Variants in LRRTM1 observed in about 807,000 individuals in gnomAD.
LRRTM1 encodes leucine rich repeat transmembrane neuronal 1.
LRRTM1 carries 8 observed loss-of-function variants against 37.3 expected under a neutral mutation model. That is an observed-to-expected ratio of 0.21 (90% CI 0.13 to 0.39). LRRTM1 has a LOEUF of 0.39. Among genes scored for constraint, LRRTM1 ranks in the 10% least tolerant of loss-of-function variants. LRRTM1 has a pLI of 1.00. For missense variants in LRRTM1, 557 were observed against 691.0 expected (o/e 0.81, Z 2.17); for synonymous variants, 326 against 316.8 (o/e 1.03, Z -0.31).
downstream of LRRTM1, among the ~76,000 whole-genome samples, chr2:80,299,980 G>T (rs913113247): frequency 2.6e-5 from 4 of 152,132 alleles, no homozygotes; most frequent in Admixed American, 2.0e-4. Context: ...TCTAAAAAAG[G>T]TATGCCGTCT....
intron 2 of LRRTM1, among the ~76,000 whole-genome samples, chr2:80,296,028 T>C (rs986758801): frequency 2.6e-5 from 4 of 152,168 alleles, no homozygotes; most frequent in African/African-American, 4.8e-5. Context: ...ACTGAGCACA[T>C]TGATTTTTTT....
rs1206857824 is a variant in LRRTM1, at chr2:80,302,644, G to C, written c.1176C>G (p.Thr392=). 1 of 1,608,446 alleles carries C rather than the reference G, an allele frequency of 6.2e-7. No individual in the cohort carries two copies. The highest frequency in any genetic ancestry group is 1.3e-5 in the African/African-American group (1 of 75,016). Residue 392 remains threonine (T), a synonymous_variant, in exon 2 of 2, where the codon ACC becomes ACG. Coordinates refer to ENST00000295057, the MANE Select transcript of LRRTM1 (RefSeq NM_178839.5). The surrounding 1 kb of genome is among the most constrained non-coding windows in gnomAD (Gnocchi z 6.4). ...SDLGPPASSA[T]TLADGGEGQH... ...GCCCCTCCCCGCCGTCCGCGAGCGT[G>C]GTGGCCGAGCTGGCAGGGGGCCCCA...
At chr2:80,294,500 A>G (rs1675561763) in intron 2 of LRRTM1, among the ~76,000 whole-genome samples, 1 of 152,006 alleles carries the variant, frequency 6.6e-6, no homozygotes, top group African/African-American at 2.4e-5. Flanking sequence ...GGCACCAGCC[A>G]ACCATGTCTT....
chr2:80,302,742 A>T lies in LRRTM1; in HGVS notation c.1078T>A (p.Phe360Ile). The change falls in exon 2 of 2, where the codon TTC becomes ATC. Residue 360 changes from phenylalanine (F) to isoleucine (I), a missense_variant. Phe to Ile is a conservative substitution (Grantham distance 21). Transcript: ENST00000295057. This position sits in a 1 kb window ranked among gnomAD's most constrained non-coding sequence, Gnocchi z 6.4. Reference sequence around the variant, plus strand: ...TCGGCCCCATCCTCGCACAGGTGGAAGGCGTACACGGCGTCCAGGACGTCC... The same window carrying T: ...TCGGCCCCATCCTCGCACAGGTGGATGGCGTACACGGCGTCCAGGACGTCC... ...GEDVLDAVYAFHLCEDGAEPT... is the reference protein window; with the variant it reads ...GEDVLDAVYAIHLCEDGAEPT... 1 of 1,613,162 alleles carries T rather than the reference A, an allele frequency of 6.2e-7. No individual in the cohort carries two copies. The highest frequency in any genetic ancestry group is 1.6e-4 in the Middle Eastern group (1 of 6,062).
chr2:80,291,671 C>A (rs930536771), intron 2 of LRRTM1, among the ~76,000 whole-genome samples: 1 of 152,138 alleles, frequency 6.6e-6, no homozygotes, highest in Non-Finnish European at 1.5e-5. Context: ...GCTTGGATAA[C>A]AATTGCAAGC....
chr2:80,299,491 C>A (rs1676053313), downstream of LRRTM1: 1 of 152,128 alleles, frequency 6.6e-6, no homozygotes, highest in Non-Finnish European at 1.5e-5. Context: ...CATACAGACA[C>A]ACACACAAAG....
At chr2:80,288,585 AAC>A (rs1212125903) in exon 3 of LRRTM1, 1 of 152,178 alleles carries the variant, frequency 6.6e-6, no homozygotes. Flanking sequence ...ACCACACATA[AAC>A]CAGGAATCCA....
At position 80,303,139 on chromosome 2, in the gene LRRTM1, G is replaced by A. The variant is rs78127943; in HGVS notation, c.681C>T (p.Ala227=). ...EHNDLVKVNF[A]HFPRLISLHS... is the part of the protein sequence containing the mutation. ...GCAGGGAGATGAGGCGCGGGAAGTG[G>A]GCGAAGTTCACCTTGACCAAGTCGT... Residue 227 remains alanine (A), a synonymous_variant, in exon 2 of 2, where the codon GCC becomes GCT. Coordinates refer to ENST00000295057, the MANE Select transcript of LRRTM1 (RefSeq NM_178839.5). This position sits in a 1 kb window ranked among gnomAD's most constrained non-coding sequence, Gnocchi z 7.7. 2,374 of 1,614,108 alleles carry A rather than the reference G, an allele frequency of 1.5e-3. 23 individuals are homozygous for A. In the African/African-American group the frequency reaches 0.027, roughly 18 times the overall value.
chr2:80,299,167 C>T (rs1404136671), downstream of LRRTM1: 1 of 151,908 alleles, frequency 6.6e-6, no homozygotes, highest in African/African-American at 2.4e-5. Flanking sequence ...GAGATTAGCA[C>T]CCTCTGTGGG....
rs149821410 is a variant in LRRTM1, at chr2:80,303,319, A to G, written c.501T>C (p.His167=). 1.0e-3 allele frequency: 1,613 copies of G among 1,613,836 alleles called. 1 individual carries two copies. Among genetic ancestry groups the G allele is most frequent in the Non-Finnish European group, 1.3e-3 (1,522 of 1,180,032 alleles). Residue 167 remains histidine (H), a synonymous_variant, in exon 2 of 2, where the codon CAT becomes CAC. Transcript: ENST00000295057. The surrounding 1 kb of genome is among the most constrained non-coding windows in gnomAD (Gnocchi z 7.7). The part of the protein sequence containing the change: ...FHGLRKLTTL[H]MRANAIQFVP... The stretch of plus-strand genomic sequence containing the variant: ...CAAACTGGATGGCGTTGGCCCGCAT[A>G]TGCAGCGTGGTGAGCTTCCGCAGCC...
chr2:80,294,606 A>T (rs4309597), intron 2 of LRRTM1, among the ~76,000 whole-genome samples: 1 of 151,892 alleles, frequency 6.6e-6, no homozygotes, highest in African/African-American at 2.4e-5. Flanking sequence ...TCTCAGCCTT[A>T]GCTGAACTAT....
rs769825975 is a variant in LRRTM1 at position 80,303,641 on chromosome 2, G to A, written c.179C>T (p.Ala60Val). ...LYCEALNLTE[A>V]PHNLSGLLGL... Reference sequence around the variant, plus strand: ...CAGCAGGCCGGACAGGTTGTGGGGCGCCTCGGTGAGGTTGAGCGCCTCGCA... The same window carrying A: ...CAGCAGGCCGGACAGGTTGTGGGGCACCTCGGTGAGGTTGAGCGCCTCGCA... Residue 60 changes from alanine to valine, a missense_variant, in exon 2 of 2, where the codon GCG becomes GTG. Physicochemically the swap from Ala to Val is moderately conservative, Grantham distance 64 (BLOSUM62 0). Transcript: ENST00000295057. This position sits in a 1 kb window ranked among gnomAD's most constrained non-coding sequence, Gnocchi z 7.7. 5.6e-6 allele frequency: 9 copies of A among 1,613,290 alleles called. No individual in the cohort carries two copies. The highest frequency in any genetic ancestry group is 4.0e-5 in the African/African-American group (3 of 74,916).
At chr2:80,297,079 T>G (rs1171756331), downstream of LRRTM1, among the ~76,000 whole-genome samples, 5 of 152,306 alleles carry the variant, frequency 3.3e-5, no homozygotes, top group Non-Finnish European at 7.3e-5. Flanking sequence ...AGAAGTCTCC[T>G]CTATTGGCAG....
At chr2:80,293,588 T>C (rs560376681) in intron 2 of LRRTM1, among the ~76,000 whole-genome samples, 2 of 152,276 alleles carry the variant, frequency 1.3e-5, no homozygotes, top group South Asian at 4.1e-4. Flanking sequence ...CCTGGCCAAA[T>C]GTATGCTACC....
chr2:80,294,265 G>A lies in LRRTM1; in HGVS notation c.*307-5070C>T, dbSNP rs1281744286. Among the ~76,000 whole-genome samples, 5 of 152,156 alleles carry A rather than the reference G, an allele frequency of 3.3e-5. No homozygotes were observed. In the South Asian group the frequency reaches 8.3e-4, roughly 25 times the overall value. ...TCTGCCTTGTGAAATTATTGGGAGA[G>A]TAAAAACAAATATAAGAATAATTCT... is the stretch of plus-strand genomic sequence containing the variant. On this transcript the variant is annotated intron_variant and NMD_transcript_variant, in intron 2 of 2. Transcript: ENST00000417012.
chr2:80,301,231 G>A (rs1399729558), downstream of LRRTM1, among the ~76,000 whole-genome samples: 2 of 152,176 alleles, frequency 1.3e-5, no homozygotes, highest in Admixed American at 1.3e-4. Context: ...GGGAGCCTAA[G>A]CTTGCTGCAG....
chr2:80,302,816 C>A lies in LRRTM1; in HGVS notation c.1004G>T (p.Arg335Leu), dbSNP rs1181673656. ...GGCGCACTGCAAGTTGCCATCGTAG[C>A]GCCCCTGGAAGTTGTTGAGCCACGA... ...LASWLNNFQG[R>L]YDGNLQCASP... Residue 335 changes from arginine (R) to leucine (L), a missense_variant, in exon 2 of 2, where the codon CGC becomes CTC. Physicochemically the swap from Arg to Leu is moderately radical, Grantham distance 102 (BLOSUM62 -2). Coordinates refer to ENST00000295057, the MANE Select transcript of LRRTM1 (RefSeq NM_178839.5). This position sits in a 1 kb window ranked among gnomAD's most constrained non-coding sequence, Gnocchi z 6.4. 6.2e-7 allele frequency: 1 copy of A among 1,613,784 alleles called. No individual in the cohort carries two copies.
intron 2 of LRRTM1, among the ~76,000 whole-genome samples, chr2:80,289,431 T>C (rs1418562266): frequency 1.3e-5 from 2 of 152,206 alleles, no homozygotes; most frequent in Non-Finnish European, 2.9e-5. Flanking sequence ...AATTTTTATA[T>C]TACTGATTTA....
intron 2 of LRRTM1, among the ~76,000 whole-genome samples, chr2:80,290,037 A>G (rs140760077): frequency 9.9e-4 from 150 of 152,232 alleles, no homozygotes; most frequent in South Asian, 4.4e-3. Context: ...AAATCTTTGC[A>G]TAGGACCTCA....
Sources: allele counts gnomAD v4.1 joint callset (sites outside exome capture counted in the v4.1 genomes callset), GRCh38; gene constraint gnomAD v4.1.1; non-coding constraint Gnocchi (gnomAD v3.1); transcripts MANE v1.5; gene names NCBI Gene and HGNC (gene_info 2026-07-23, HGNC 2026-07-21).